Variants in FANCD2 observed in about 807,000 individuals in gnomAD.
FANCD2 encodes the protein FA complementation group D2.
In FANCD2, 131 loss-of-function variants were observed where a neutral mutation model predicts 192.3. That is an observed-to-expected ratio of 0.68 (90% CI 0.59 to 0.79). The LOEUF (loss-of-function observed/expected upper bound fraction) is 0.79, where lower values mean the gene tolerates loss of function less well. Ranked by LOEUF, FANCD2 falls within the 30% of genes least tolerant of loss-of-function variation. The pLI is 0.00. For synonymous variants in FANCD2, 524 were observed against 612.5 expected (o/e 0.86, Z 2.13); for missense variants, 1,508 against 1,701.6 (o/e 0.89, Z 2.00).
At chr3:10,082,174 C>T (rs565586499) in intron 32 of FANCD2, among the ~76,000 whole-genome samples, 1 of 152,322 alleles carries the variant, frequency 6.6e-6, no homozygotes, top group Non-Finnish European at 1.5e-5. Context: ...TAAATGGTAC[C>T]ACCAGTTGCC....
In FANCD2 at chr3:10,075,432, C is replaced by G. The variant is rs34672469; in HGVS notation, c.2859+759C>G. ...GATCTCCTGACCTCGTGATCACCCG[C>G]CTTGGCCTCCCAAAGTGCTGGGATT... is the stretch of plus-strand genomic sequence containing the variant. On this transcript the variant is annotated intron_variant, in intron 29 of 43. Transcript: ENST00000675286. 1.8e-4 allele frequency among the ~76,000 whole-genome samples: 28 copies of G among 152,308 alleles called. No homozygotes were observed. In the East Asian group the frequency reaches 5.2e-3, roughly 28 times the overall value.
intron 43 of FANCD2, chr3:10,099,053 A>G (rs1695149883): frequency 2.5e-6 from 4 of 1,591,100 alleles, no homozygotes; most frequent in Non-Finnish European, 3.4e-6. Context: ...TATAGAGTTG[A>G]CAATTTTCTG....
chr3:10,026,499 G>T, intron 1 of FANCD2, 26 bp downstream of exon 1: 1 of 511,990 alleles, frequency 2.0e-6, no homozygotes, highest in Non-Finnish European at 2.5e-6. Context: ...AATGGTCGTA[G>T]TCTCTCGAGG....
chr3:10,080,236 A>G (rs533762133), intron 30 of FANCD2, among the ~76,000 whole-genome samples: 1 of 150,360 alleles, frequency 6.7e-6, no homozygotes, highest in African/African-American at 2.5e-5. Flanking sequence ...TGTATTCACT[A>G]TCGGGTCTAC....
intron 37 of FANCD2, among the ~76,000 whole-genome samples, chr3:10,090,737 C>T (rs1384554239): frequency 4.6e-5 from 7 of 152,200 alleles, no homozygotes; most frequent in Non-Finnish European, 7.3e-5. Context: ...AGATTACAGA[C>T]GTGCGCCACT....
At chr3:10,074,829 A>T (rs1257889029) in intron 29 of FANCD2, among the ~76,000 whole-genome samples, 156 bp downstream of exon 29, 2 of 152,240 alleles carry the variant, frequency 1.3e-5, no homozygotes. Context: ...AATCATCCTC[A>T]TACTGGTGTT....
chr3:10,078,763 A>C (rs1476810220), intron 30 of FANCD2, among the ~76,000 whole-genome samples: 1 of 151,926 alleles, frequency 6.6e-6, no homozygotes, highest in Non-Finnish European at 1.5e-5. Context: ...CAGGAGTTCA[A>C]GACCAGCCTG....
intron 18 of FANCD2, among the ~76,000 whole-genome samples, chr3:10,055,680 C>G (rs1294307662): frequency 6.6e-6 from 1 of 151,906 alleles, no homozygotes; most frequent in Non-Finnish European, 1.5e-5. Flanking sequence ...GACGTGGTGG[C>G]AGGCGCCTAT....
chr3:10,070,670 G>A (rs1693181412), intron 26 of FANCD2, among the ~76,000 whole-genome samples: 1 of 144,466 alleles, frequency 6.9e-6, no homozygotes, highest in African/African-American at 2.5e-5. Context: ...GACAATGGCG[G>A]TTTTGTGGAA....
At chr3:10,043,657 C>T (rs535903425) in intron 13 of FANCD2, 65 bp downstream of exon 13, 171 of 1,365,726 alleles carry the variant, frequency 1.3e-4, no homozygotes, top group Non-Finnish European at 1.7e-4. Flanking sequence ...AGATGTATAA[C>T]TGAGGTAGAC....
At chr3:10,073,061 C>T in intron 27 of FANCD2, 80 bp downstream of exon 27, 1 of 894,970 alleles carries the variant, frequency 1.1e-6, no homozygotes, top group Non-Finnish European at 1.8e-6. Context: ...TGTATCATGG[C>T]ATCAGTAATT....
At position 10,043,539 on chromosome 3, in the gene FANCD2, G is replaced by A. The variant is rs776012437; in HGVS notation, c.1045G>A (p.Val349Ile). Residue 349 changes from valine (V) to isoleucine (I), a missense_variant, in exon 13 of 44, where the codon GTA becomes ATA. Coordinates refer to ENST00000675286, the MANE Select transcript of FANCD2 (RefSeq NM_001018115.3). ...GAGCTGTATTATTCTCCTCTTTGAT[G>A]TAATAAAGTCAGCTATTAGATATGA... ...GQSCIILLFD[V>I]IKSAIRYEKT... The A allele has an allele frequency of 6.2e-7, 1 of 1,613,894 alleles. No homozygotes were observed. Among genetic ancestry groups the A allele is most frequent in the Non-Finnish European group, 8.5e-7 (1 of 1,179,800 alleles).
At chr3:10,040,448 A>G (rs151125236) in intron 9 of FANCD2, 58 of 454,884 alleles carry the variant, frequency 1.3e-4, no homozygotes, top group Admixed American at 2.4e-4. Flanking sequence ...AAGTTTCATT[A>G]ACTTGTTCTT....
At chr3:10,036,086 C>CTTTTGTTTTTTTTTTTTTTTT (rs2086721855) in intron 6 of FANCD2, among the ~76,000 whole-genome samples, 1 of 102,602 alleles carries the variant, frequency 9.7e-6, no homozygotes, top group Non-Finnish European at 2.0e-5. Flanking sequence ...TTATACATTT[C>CTTTTGTTTTTTTTTTTTTTTT]TTTTTTTTTT....
intron 5 of FANCD2, 60 bp from the exon 6 acceptor site, chr3:10,035,113 T>C: frequency 7.3e-7 from 1 of 1,379,064 alleles, no homozygotes. Flanking sequence ...TGAGAAAAGA[T>C]GATAAAAGCA....
chr3:10,093,807 C>T (rs956440952), intron 39 of FANCD2, among the ~76,000 whole-genome samples: 11 of 152,206 alleles, frequency 7.2e-5, no homozygotes, highest in African/African-American at 2.7e-4. Context: ...CCTCAAGTTT[C>T]CTTCCAAGTG....
At chr3:10,094,722 C>T (rs750490552) in intron 40 of FANCD2, 2 of 322,090 alleles carry the variant, frequency 6.2e-6, no homozygotes, top group Admixed American at 4.6e-5. Flanking sequence ...AAAAAAAGCT[C>T]ATTTGTGTCA....
At chr3:10,100,348 A>G (rs775627965) in intron 43 of FANCD2, among the ~76,000 whole-genome samples, 2 of 152,190 alleles carry the variant, frequency 1.3e-5, no homozygotes, top group Non-Finnish European at 2.9e-5. Flanking sequence ...AGAATTTTGT[A>G]CTGGATTCCT....
At chr3:10,029,303 C>G (rs1331141549) in intron 2 of FANCD2, among the ~76,000 whole-genome samples, 2 of 152,098 alleles carry the variant, frequency 1.3e-5, no homozygotes, top group African/African-American at 2.4e-5. Context: ...AGTTCAAGAC[C>G]AGCCTGGGTA....
Sources: gnomAD v4.1 joint callset for allele counts (sites outside exome capture counted in the v4.1 genomes callset) on GRCh38, gnomAD v4.1.1 for gene constraint, MANE v1.5 for transcripts, NCBI Gene and HGNC (gene_info 2026-07-23, HGNC 2026-07-21) for gene names.